Variants in RGS6 observed in about 807,000 individuals in gnomAD.
The protein encoded by RGS6 is regulator of G-protein signaling 6.
A neutral mutation model predicts 78.5 loss-of-function variants in RGS6; 30 were observed. That is an observed-to-expected ratio of 0.38 (90% confidence interval 0.29 to 0.52). The LOEUF (loss-of-function observed/expected upper bound fraction) is 0.52. Ranked by LOEUF, RGS6 falls within the 20% of genes least tolerant of loss-of-function variation. The probability of loss-of-function intolerance (pLI) is 0.85; values close to 1 mark genes in which losing one functional copy is unlikely to be tolerated. For synonymous variants in RGS6, 206 were observed against 206.0 expected (o/e 1.00, Z 0.00); for missense variants, 495 against 609.7 (o/e 0.81, Z 1.98).
chr14:72,097,166 G>A (rs1441067891), intron 2 of RGS6, among the ~76,000 whole-genome samples: 1 of 152,148 alleles, frequency 6.6e-6, no homozygotes, highest in African/African-American at 2.4e-5. Flanking sequence ...CTTAAAAAAT[G>A]CTTTTGATAT....
At chr14:72,374,818 G>A (rs1382050295) in intron 3 of RGS6, among the ~76,000 whole-genome samples, 1 of 152,186 alleles carries the variant, frequency 6.6e-6, no homozygotes, top group South Asian at 2.1e-4. Context: ...ACTATCTGCA[G>A]TTCCATATGC....
At chr14:72,230,574 G>GCGTA (rs1227969374) in intron 2 of RGS6, among the ~76,000 whole-genome samples, 10 of 152,238 alleles carry the variant, frequency 6.6e-5, no homozygotes, top group Middle Eastern at 3.4e-3. Flanking sequence ...GGATATATAT[G>GCGTA]CGTACGTACA....
At chr14:72,309,849 TAAACTC>T (rs951101643) in intron 2 of RGS6, among the ~76,000 whole-genome samples, 3 of 152,258 alleles carry the variant, frequency 2.0e-5, no homozygotes, top group African/African-American at 7.2e-5. Context: ...TGATCAGTAT[TAAACTC>T]AAAGTATGTC....
At chr14:71,984,706 A>G (rs2094615928) in intron 2 of RGS6, among the ~76,000 whole-genome samples, 1 of 152,180 alleles carries the variant, frequency 6.6e-6, no homozygotes, top group Non-Finnish European at 1.5e-5. Context: ...TATATAAGAT[A>G]CGTGCTTTAT....
At chr14:72,469,832 TG>T (rs2096024062) in intron 7 of RGS6, 174 bp from the exon 8 acceptor site, 1 of 597,532 alleles carries the variant, frequency 1.7e-6, no homozygotes, top group African/African-American at 1.9e-5. Context: ...AGTTCAGCTC[TG>T]TACGGAGGGT....
chr14:72,502,201 C>T (rs1474117825), intron 13 of RGS6, among the ~76,000 whole-genome samples: 1 of 152,166 alleles, frequency 6.6e-6, no homozygotes, highest in Non-Finnish European at 1.5e-5. Flanking sequence ...AAGCCCAAGC[C>T]GTTGGAGAGG....
chr14:72,134,625 T>G (rs1409971385), intron 2 of RGS6, among the ~76,000 whole-genome samples: 1 of 152,196 alleles, frequency 6.6e-6, no homozygotes, highest in Non-Finnish European at 1.5e-5. Flanking sequence ...AAGAGGAGAC[T>G]TATTATGGGA....
intron 2 of RGS6, among the ~76,000 whole-genome samples, chr14:72,149,192 G>A (rs2096648512): frequency 6.6e-6 from 1 of 152,192 alleles, no homozygotes; most frequent in Admixed American, 6.5e-5. Flanking sequence ...TTGGTCTGCT[G>A]GGTTTCAAGG....
At chr14:72,541,393 A>T (rs2097324713) in intron 17 of RGS6, 1 of 1,464,838 alleles carries the variant, frequency 6.8e-7, no homozygotes, top group African/African-American at 1.4e-5. Flanking sequence ...AGTGGGTGGC[A>T]ATTAATTAAA....
intron 7 of RGS6, among the ~76,000 whole-genome samples, chr14:72,467,654 A>T (rs1399293910): frequency 6.6e-6 from 1 of 152,182 alleles, no homozygotes; most frequent in African/African-American, 2.4e-5. Context: ...GAAGAGGAAG[A>T]AGCAGTGCAG....
intron 2 of RGS6, among the ~76,000 whole-genome samples, chr14:72,206,770 G>T (rs1271235104): frequency 2.0e-5 from 3 of 152,080 alleles, no homozygotes; most frequent in African/African-American, 7.2e-5. Context: ...CTCCCACTGG[G>T]TTCCTCCCAT....
intron 2 of RGS6, among the ~76,000 whole-genome samples, chr14:72,026,421 A>T (rs545155985): frequency 6.6e-6 from 1 of 152,142 alleles, no homozygotes; most frequent in African/African-American, 2.4e-5. Flanking sequence ...AGAAAAAAAA[A>T]AGTAGCCATC....
At chr14:72,404,564 G>T (rs2092755822) in intron 3 of RGS6, among the ~76,000 whole-genome samples, 1 of 152,350 alleles carries the variant, frequency 6.6e-6, no homozygotes, top group African/African-American at 2.4e-5. Flanking sequence ...CATGCTTCAA[G>T]ACTCTCTGTG....
intron 2 of RGS6, among the ~76,000 whole-genome samples, chr14:72,287,694 G>T (rs2152303313): frequency 6.6e-6 from 1 of 152,324 alleles, no homozygotes; most frequent in South Asian, 2.1e-4. Context: ...CCGACCTCAG[G>T]TGATCTGCCC....
At chr14:71,919,101 A>G in the RGS6 span, among the ~76,000 whole-genome samples, 1 of 152,132 alleles carries the variant, frequency 6.6e-6, no homozygotes, top group African/African-American at 2.4e-5. Context: ...TCATGTGCCC[A>G]CAGGGGCTCC....
chr14:72,481,194 A>C (rs1174503285), intron 12 of RGS6, among the ~76,000 whole-genome samples: 2 of 152,078 alleles, frequency 1.3e-5, no homozygotes, highest in Non-Finnish European at 2.9e-5. Context: ...TTATAGGATT[A>C]ATGAGTTCAT....
intron 2 of RGS6, among the ~76,000 whole-genome samples, chr14:72,015,818 G>C (rs958519546): frequency 2.6e-5 from 4 of 152,196 alleles, no homozygotes; most frequent in Non-Finnish European, 5.9e-5. Context: ...GTTCTAGTGT[G>C]ATTGAGTGTC....
intron 1 of RGS6, among the ~76,000 whole-genome samples, chr14:71,951,555 G>A (rs2092321263): frequency 6.6e-6 from 1 of 151,542 alleles, no homozygotes; most frequent in African/African-American, 2.4e-5. Context: ...ATGTACCCCA[G>A]AACTTAACAT....
chr14:72,501,091 C>G (rs917511067), intron 13 of RGS6, among the ~76,000 whole-genome samples: 2 of 152,000 alleles, frequency 1.3e-5, no homozygotes, highest in African/African-American at 4.8e-5. Context: ...GAATTCCTGC[C>G]AATCTCAGGT....
Sources: gnomAD v4.1 joint callset for allele counts (sites outside exome capture counted in the v4.1 genomes callset) on GRCh38, gnomAD v4.1.1 for gene constraint, MANE v1.5 for transcripts, NCBI Gene and HGNC (gene_info 2026-07-23, HGNC 2026-07-21) for gene names.